ATP13A2: variants seen among roughly 807,000 people sequenced by gnomAD.
The protein encoded by ATP13A2 is ATPase cation transporting 13A2, also known as polyamine-transporting ATPase 13A2.
ATP13A2 carries 83 observed loss-of-function variants against 138.3 expected under a neutral mutation model. The observed-to-expected ratio is 0.60, with a 90% CI of 0.50 to 0.72. The LOEUF (loss-of-function observed/expected upper bound fraction) is 0.72, where lower values mean the gene tolerates loss of function less well. ATP13A2 is among the 30% of genes least tolerant of loss of function. The probability of loss-of-function intolerance (pLI) is 0.00; values close to 1 mark genes in which losing one functional copy is unlikely to be tolerated. For missense variants in ATP13A2, 1,402 were observed against 1,606.4 expected (o/e 0.87, Z 2.17); for synonymous variants, 663 against 699.0 (o/e 0.95, Z 0.81).
In ATP13A2 at chr1:17,011,684, CGGG is replaced by C; in HGVS notation, c.10+42_10+44del. On this transcript the variant is annotated intron_variant, in intron 1 of 28. Transcript: ENST00000326735. The surrounding 1 kb of genome is among the most constrained non-coding windows in gnomAD (Gnocchi z 7.3). Reference sequence around the variant, plus strand: ...CAAGGGGTGACGACAACTGGCGGGCCGGGGACCGCGCCGGGCTCGGGGCCGACC... The same window carrying C: ...CAAGGGGTGACGACAACTGGCGGGCCGACCGCGCCGGGCTCGGGGCCGACC... The C allele has an allele frequency of 6.8e-7, 1 of 1,481,090 alleles. No homozygotes were observed. Among genetic ancestry groups the C allele is most frequent in the Non-Finnish European group, 8.9e-7 (1 of 1,122,276 alleles). 91.7% of individuals were successfully genotyped at this position (1,481,090 alleles called of 1,614,324 possible).
Position 16,986,091 on chromosome 1 carries a change from G to T in ATP13A2, c.*130C>A. 1 of 1,548,890 alleles carries T rather than the reference G, an allele frequency of 6.5e-7. No homozygotes were observed. Among genetic ancestry groups the T allele is most frequent in the East Asian group, 2.4e-5 (1 of 42,422 alleles). The stretch of plus-strand genomic sequence containing the variant: ...GCTTCCCCAGGGTGGGGGTGGTCTC[G>T]GGGGAGGAGTGTAGACAGTCGCCAA... On this transcript the variant is annotated 3_prime_UTR_variant, in exon 29 of 29. Transcript: ENST00000326735. This position sits in a 1 kb window ranked among gnomAD's most constrained non-coding sequence, Gnocchi z 6.9.
rs2077490519 is a variant in ATP13A2 at position 17,004,814 on chromosome 1, G to C, written c.355C>G (p.Pro119Ala). The part of the protein sequence containing the change: ...TEAIGEGSLE[P>A]SPQSQAEDGR... ...TCCTCTGCCTGGGACTGTGGGGACG[G>C]CTCCAGGCTGGGGAAGCAGGTGAGG... The change falls in exon 5 of 29, where the codon CCG becomes GCG. Residue 119 changes from proline (P) to alanine (A), a missense_variant. By Grantham distance (27) the Pro-to-Ala change is conservative. Transcript: ENST00000326735. The surrounding 1 kb of genome is among the most constrained non-coding windows in gnomAD (Gnocchi z 4.1). 1 of 1,613,892 alleles carries C rather than the reference G, an allele frequency of 6.2e-7. No individual in the cohort carries two copies. The highest frequency in any genetic ancestry group is 1.3e-5 in the African/African-American group (1 of 75,060).
intron 23 of ATP13A2, among the ~76,000 whole-genome samples, chr1:16,989,236 G>A (rs1283085357): frequency 6.6e-6 from 1 of 152,016 alleles, no homozygotes; most frequent in Admixed American, 6.6e-5. Flanking sequence ...TTTTGAGACG[G>A]AGTCTCGCTC....
At chr1:17,008,598 A>C (rs1264124905) in intron 1 of ATP13A2, among the ~76,000 whole-genome samples, 1 of 152,032 alleles carries the variant, frequency 6.6e-6, no homozygotes, top group African/African-American at 2.4e-5. Context: ...ACCCTGTCTG[A>C]AGCCCTGGCT....
Position 16,995,783 on chromosome 1 carries a change from G to T in ATP13A2, c.1542+193C>A. On this transcript the variant is annotated intron_variant, in intron 15 of 28. Coordinates refer to ENST00000326735, the MANE Select transcript of ATP13A2 (RefSeq NM_022089.4). The surrounding 1 kb of genome is among the most constrained non-coding windows in gnomAD (Gnocchi z 4.1). ...TTGAACACATGAATACATGATTCTA[G>T]ACATTTCATCTGCCAGACCGTGAGC... The T allele has an allele frequency of 1.3e-6, 1 of 761,532 alleles. No homozygotes were observed. Among genetic ancestry groups the T allele is most frequent in the Non-Finnish European group, 2.2e-6 (1 of 444,626 alleles). The allele number at this position is 761,532 out of a possible 1,614,324, so 47.2% of individuals were successfully genotyped here.
Position 16,989,706 on chromosome 1 carries a change from T to C in ATP13A2, c.2594A>G (p.Glu865Gly), listed in dbSNP as rs1275597270. Residue 865 changes from glutamate (E) to glycine (G), a missense_variant, in exon 23 of 29, where the codon GAG becomes GGG. Glu to Gly is a moderately conservative substitution (Grantham distance 98, BLOSUM62 -2). Transcript: ENST00000326735. ...APEQKTELVCELQKLQYCVGM... is the reference protein window; with the variant it reads ...APEQKTELVCGLQKLQYCVGM... ...GAGCACTCACTGAAGCTTCTGTAGC[T>C]CGCACACCAGCTCTGTCTTCTGCTC... The C allele has an allele frequency of 1.2e-6, 2 of 1,614,046 alleles. No individual in the cohort carries two copies. Among genetic ancestry groups the C allele is most frequent in the South Asian group, 2.2e-5 (2 of 91,080 alleles).
rs1405620967 is a variant in ATP13A2 at position 16,986,265 on chromosome 1, C to T, written c.3499G>A (p.Ala1167Thr). The T allele has an allele frequency of 6.2e-7, 1 of 1,607,386 alleles. No homozygotes were observed. The highest frequency in any genetic ancestry group is 1.1e-5 in the South Asian group (1 of 89,926). Reference protein sequence around the residue: ...KRFKQLERELAEQPWPPLPAG... With the variant: ...KRFKQLERELTEQPWPPLPAG... Reference sequence around the variant, plus strand: ...GGCAGCGGCGGCCAGGGCTGCTCGGCCAGCTCTCGTTCCAGCTGCTTGAAG... The same window carrying T: ...GGCAGCGGCGGCCAGGGCTGCTCGGTCAGCTCTCGTTCCAGCTGCTTGAAG... The change falls in exon 29 of 29, where the codon GCC (alanine) becomes ACC (threonine). Residue 1167 changes from alanine (A) to threonine (T), a missense_variant. By Grantham distance (58) the Ala-to-Thr change is moderately conservative (BLOSUM62 0). Coordinates refer to ENST00000326735, the MANE Select transcript of ATP13A2 (RefSeq NM_022089.4). The surrounding 1 kb of genome is among the most constrained non-coding windows in gnomAD (Gnocchi z 6.9).
chr1:16,993,063 T>C (rs1055783975), intron 16 of ATP13A2, among the ~76,000 whole-genome samples: 4 of 152,126 alleles, frequency 2.6e-5, no homozygotes, highest in African/African-American at 9.7e-5. Flanking sequence ...ACTACAGGCA[T>C]GTTCCACCGC....
rs1046254851 is a variant in ATP13A2 at position 16,986,876 on chromosome 1, C to G, written c.3164G>C (p.Ser1055Thr). The change falls in exon 27 of 29, where the codon AGC (serine) becomes ACC (threonine). Residue 1055 changes from serine (S) to threonine (T), a missense_variant. Ser to Thr is a moderately conservative substitution (Grantham distance 58, BLOSUM62 1). Coordinates refer to ENST00000326735, the MANE Select transcript of ATP13A2 (RefSeq NM_022089.4). This position sits in a 1 kb window ranked among gnomAD's most constrained non-coding sequence, Gnocchi z 6.9. ...YENTVVFSLS[S>T]FQYLILAAAV... ...TGCAGCCAGGATGAGGTACTGGAAGCTGGACAGAGAGAAGACCACGGTGTT... is the reference window on the plus strand; with the variant it reads ...TGCAGCCAGGATGAGGTACTGGAAGGTGGACAGAGAGAAGACCACGGTGTT... 52 of 1,613,942 alleles carry G rather than the reference C, an allele frequency of 3.2e-5. No individual in the cohort carries two copies. Among genetic ancestry groups the G allele is most frequent in the Non-Finnish European group, 4.3e-5 (51 of 1,180,014 alleles).
rs1170893355 is a variant in ATP13A2 at position 16,987,149 on chromosome 1, C to T, written c.2980G>A (p.Gly994Arg). 6.2e-7 allele frequency: 1 copy of T among 1,613,126 alleles called. No homozygotes were observed. Among genetic ancestry groups the T allele is most frequent in the Admixed American group, 1.7e-5 (1 of 59,986 alleles). The change falls in exon 26 of 29, where the codon GGG (glycine) becomes AGG (arginine). Residue 994 changes from glycine (G) to arginine (R), a missense_variant. By Grantham distance (125) the Gly-to-Arg change is moderately radical (BLOSUM62 -2). Coordinates refer to ENST00000326735, the MANE Select transcript of ATP13A2 (RefSeq NM_022089.4). ...ALVLGRVRPP[G>R]ALLSVPVLSS... Reference sequence around the variant, plus strand: ...AGCACGGGCACGCTGAGCAGCGCCCCCGGTGGCCGCACCCGTCCCAGGACC... The same window carrying T: ...AGCACGGGCACGCTGAGCAGCGCCCTCGGTGGCCGCACCCGTCCCAGGACC...
At chr1:16,989,601 G>A (rs2076851804) in intron 23 of ATP13A2, 90 bp downstream of exon 23, 1 of 1,338,898 alleles carries the variant, frequency 7.5e-7, no homozygotes, top group Non-Finnish European at 1.1e-6. Flanking sequence ...TGAGGAGGGA[G>A]ACAGGGCCCT....
intron 8 of ATP13A2, among the ~76,000 whole-genome samples, chr1:17,001,670 C>T (rs2077362084): frequency 6.6e-6 from 1 of 152,146 alleles, no homozygotes; most frequent in African/African-American, 2.4e-5. Context: ...CAGTGCAGTC[C>T]CAGGCCCAAC....
chr1:16,987,408 C>T (rs1327714809), intron 25 of ATP13A2, 139 bp from the exon 26 acceptor site: 2 of 855,062 alleles, frequency 2.3e-6, no homozygotes, highest in Non-Finnish European at 3.9e-6. Flanking sequence ...GCCGTACTCT[C>T]CTGCCAGCCC....
In ATP13A2 at chr1:16,992,550, G is replaced by T; in HGVS notation, c.1781C>A (p.Ala594Glu). The change falls in exon 17 of 29, where the codon GCA becomes GAA. Residue 594 changes from alanine to glutamate, a missense_variant. Transcript: ENST00000326735. ...CACTGCCAAGACCTGGGTCCCAAAT[G>T]CTGAGTCTGCAGCCGGCTCTTCCTC... Reference protein sequence around the residue: ...VLEEEPAADSAFGTQVLAVMR... With the variant: ...VLEEEPAADSEFGTQVLAVMR... 3 of 1,614,204 alleles carry T rather than the reference G, an allele frequency of 1.9e-6. No homozygotes were observed. The highest frequency in any genetic ancestry group is 2.5e-6 in the Non-Finnish European group (3 of 1,180,030).
At chr1:17,005,641 T>A (rs1327548952) in intron 2 of ATP13A2, 43 bp downstream of exon 2, 2 of 1,612,888 alleles carry the variant, frequency 1.2e-6, no homozygotes, top group East Asian at 2.2e-5. Context: ...GGCCTGGGCA[T>A]TCACCCCCTG....
intron 8 of ATP13A2, among the ~76,000 whole-genome samples, chr1:17,001,066 G>A (rs2077336204): frequency 6.6e-6 from 1 of 152,114 alleles, no homozygotes; most frequent in East Asian, 1.9e-4. Flanking sequence ...ACCACCATTA[G>A]CTCCATTCTA....
intron 6 of ATP13A2, among the ~76,000 whole-genome samples, chr1:17,003,588 CA>C (rs1331800867): frequency 7.8e-6 from 1 of 127,826 alleles, no homozygotes. Context: ...AAAAAAACCA[CA>C]CACACACACA....
In ATP13A2 at chr1:16,996,575, G is replaced by A. The variant is rs183590584; in HGVS notation, c.1196-79C>T. 11,947 of 1,147,934 alleles carry A rather than the reference G, an allele frequency of 0.01. 102 individuals carry two copies. The highest frequency in any genetic ancestry group is 0.012 in the Non-Finnish European group (9,544 of 765,686). The allele number at this position is 1,147,934 out of a possible 1,614,324, so 71.1% of individuals were successfully genotyped here. Reference sequence around the variant, plus strand: ...TCCCCACCCCTAGCCCTCCCGACCCGTGCCTCTGGAGTTGCAAGACATGAT... The same window carrying A: ...TCCCCACCCCTAGCCCTCCCGACCCATGCCTCTGGAGTTGCAAGACATGAT... On this transcript the variant is annotated intron_variant, in intron 12 of 28. Coordinates refer to ENST00000326735, the MANE Select transcript of ATP13A2 (RefSeq NM_022089.4).
Position 16,986,421 on chromosome 1 carries a change from C to G in ATP13A2, c.3405+42G>C, listed in dbSNP as rs2076725300. On this transcript the variant is annotated intron_variant, in intron 28 of 28. Coordinates refer to ENST00000326735, the MANE Select transcript of ATP13A2 (RefSeq NM_022089.4). This position sits in a 1 kb window ranked among gnomAD's most constrained non-coding sequence, Gnocchi z 6.9. ...CTGAGCTGGGGTCAATGCACCCCCACCTCCCTTCTCTCCCGCTGCTGAGAC... is the reference window on the plus strand; with the variant it reads ...CTGAGCTGGGGTCAATGCACCCCCAGCTCCCTTCTCTCCCGCTGCTGAGAC... 1 of 1,606,640 alleles carries G rather than the reference C, an allele frequency of 6.2e-7. No individual in the cohort carries two copies. The highest frequency in any genetic ancestry group is 1.1e-5 in the South Asian group (1 of 90,600).
Sources: gnomAD v4.1 joint callset for allele counts (sites outside exome capture counted in the v4.1 genomes callset) on GRCh38, gnomAD v4.1.1 for gene constraint, Gnocchi (gnomAD v3.1) non-coding constraint, MANE v1.5 for transcripts, NCBI Gene and HGNC (gene_info 2026-07-23, HGNC 2026-07-21) for gene names.